Variants in HTR2C observed in about 807,000 individuals in gnomAD.
HTR2C encodes the protein 5-hydroxytryptamine (serotonin) receptor 2C, G protein-coupled.
A neutral mutation model predicts 21.0 loss-of-function variants in HTR2C; 5 were observed. That is an observed-to-expected ratio of 0.24 (90% CI 0.12 to 0.50). The LOEUF (loss-of-function observed/expected upper bound fraction) is 0.50. HTR2C is among the 20% of genes least tolerant of loss of function. The pLI is 0.98. For missense variants in HTR2C, 271 were observed against 371.2 expected, an observed-to-expected ratio of 0.73 and a Z score of 2.22; for synonymous variants, 150 against 145.3, an observed-to-expected ratio of 1.03 and a Z score of -0.23.
At chrX:114,630,867 CT>C (rs1312725800) in intron 2 of HTR2C, 1 of 370,980 alleles carries the variant, frequency 2.7e-6, no homozygotes, top group Non-Finnish European at 5.2e-6. Context: ...AAGCAAATCC[CT>C]CTCAAAGCTG....
chrX:114,744,106 G>A (rs2069677920), intron 4 of HTR2C, among the ~76,000 whole-genome samples: 1 of 110,590 alleles, frequency 9.0e-6, no homozygotes, highest in Non-Finnish European at 1.9e-5. Flanking sequence ...TATCTAGATA[G>A]TAGTGATAAT....
At chrX:114,612,514 A>G (rs1556398924) in intron 1 of HTR2C, among the ~76,000 whole-genome samples, 1 of 112,165 alleles carries the variant, frequency 8.9e-6, no homozygotes, top group African/African-American at 3.2e-5. Context: ...CAGAATAAAT[A>G]TTGGCAACTG....
At chrX:114,704,058 C>T (rs1479520734) in intron 2 of HTR2C, among the ~76,000 whole-genome samples, 3 of 111,282 alleles carry the variant, frequency 2.7e-5, no homozygotes, top group Non-Finnish European at 5.7e-5. Context: ...GAAATTGTGG[C>T]AATAATCAAT....
intron 1 of HTR2C, among the ~76,000 whole-genome samples, chrX:114,607,065 T>C (rs375473528): frequency 0.029 from 3,053 of 104,700 alleles, 76 homozygotes; most frequent in Non-Finnish European, 0.042. Flanking sequence ...AAGGTAATGT[T>C]ATCACTTAAG....
At chrX:114,765,945 T>A in intron 4 of HTR2C, among the ~76,000 whole-genome samples, 1 of 111,240 alleles carries the variant, frequency 9.0e-6, no homozygotes, top group South Asian at 3.8e-4. Context: ...ATGGGAGGGG[T>A]CATGATATAT....
chrX:114,827,998 C>T (rs782676416), intron 4 of HTR2C, among the ~76,000 whole-genome samples: 52 of 110,358 alleles, frequency 4.7e-4, no homozygotes, highest in Admixed American at 1.2e-3. Context: ...CCCCCAAATG[C>T]GGCATGTTTT....
At chrX:114,772,879 AT>A (rs1556437470) in intron 4 of HTR2C, among the ~76,000 whole-genome samples, 1 of 111,269 alleles carries the variant, frequency 9.0e-6, no homozygotes, top group Admixed American at 9.6e-5. Context: ...GCATTTTTAC[AT>A]TTTCCTTCAG....
chrX:114,797,044 A>G (rs1438264510), intron 4 of HTR2C, among the ~76,000 whole-genome samples: 1 of 111,994 alleles, frequency 8.9e-6, no homozygotes, highest in Non-Finnish European at 1.9e-5. Context: ...GGTTAGTTTC[A>G]TTGAAATTGG....
At chrX:114,645,032 G>A (rs1387046166) in intron 2 of HTR2C, among the ~76,000 whole-genome samples, 1 of 110,630 alleles carries the variant, frequency 9.0e-6, no homozygotes, top group East Asian at 2.9e-4. Context: ...TGGGCAACTG[G>A]AAGGAAAAGA....
chrX:114,687,294 A>G (rs1931949905), intron 2 of HTR2C, among the ~76,000 whole-genome samples: 2 of 112,266 alleles, frequency 1.8e-5, no homozygotes, highest in South Asian at 3.6e-4. Flanking sequence ...CACTTTCACA[A>G]TACATCCTGT....
chrX:114,897,637 C>G (rs1318213530), intron 5 of HTR2C, among the ~76,000 whole-genome samples: 2 of 111,863 alleles, frequency 1.8e-5, no homozygotes, highest in East Asian at 5.6e-4. Flanking sequence ...GCTGCCACTT[C>G]TAAGTGAGAA....
chrX:114,787,676 G>A (rs1556442396), intron 4 of HTR2C, among the ~76,000 whole-genome samples: 4 of 111,809 alleles, frequency 3.6e-5, no homozygotes, highest in South Asian at 7.3e-4. Context: ...GGCCAGGCGC[G>A]GTGGCTCACG....
At chrX:114,794,311 T>G (rs1243348615) in intron 4 of HTR2C, among the ~76,000 whole-genome samples, 1 of 111,115 alleles carries the variant, frequency 9.0e-6, no homozygotes, top group Non-Finnish European at 1.9e-5. Flanking sequence ...CAGAATACAA[T>G]CTGGTAATAT....
chrX:114,663,510 C>T (rs1286789201), intron 2 of HTR2C, among the ~76,000 whole-genome samples: 5 of 111,259 alleles, frequency 4.5e-5, no homozygotes, highest in African/African-American at 1.6e-4. Context: ...AATTAAAAAG[C>T]TTTCAAACAA....
chrX:114,612,668 C>T (rs1556398948), intron 1 of HTR2C, among the ~76,000 whole-genome samples: 2 of 111,993 alleles, frequency 1.8e-5, no homozygotes, highest in African/African-American at 6.5e-5. Flanking sequence ...TTCAACTTGA[C>T]ATTTGACTTA....
At chrX:114,758,407 C>A (rs964325763) in intron 4 of HTR2C, among the ~76,000 whole-genome samples, 23 of 108,436 alleles carry the variant, frequency 2.1e-4, no homozygotes, top group East Asian at 8.8e-4. Flanking sequence ...ACAAAAAAAA[C>A]CAAAAAAATA....
chrX:114,662,742 T>C (rs1450633232), intron 2 of HTR2C, among the ~76,000 whole-genome samples: 1 of 112,088 alleles, frequency 8.9e-6, no homozygotes, highest in East Asian at 2.8e-4. Flanking sequence ...TGGCTTCTTA[T>C]TCATTTTGAA....
At chrX:114,606,783 A>G (rs782011678) in intron 1 of HTR2C, among the ~76,000 whole-genome samples, 19 of 111,951 alleles carry the variant, frequency 1.7e-4, no homozygotes, top group East Asian at 1.4e-3. Flanking sequence ...TCCAAGTCAC[A>G]GCACCAAATT....
chrX:114,829,602 C>A (rs1235372636), intron 4 of HTR2C, among the ~76,000 whole-genome samples: 1 of 111,247 alleles, frequency 9.0e-6, no homozygotes, highest in African/African-American at 3.3e-5. Context: ...TGTTTTGTAC[C>A]TTTGGTTTTT....
Sources: allele counts gnomAD v4.1 joint callset (sites outside exome capture counted in the v4.1 genomes callset), GRCh38; gene constraint gnomAD v4.1.1; transcripts MANE v1.5; gene names NCBI Gene and HGNC (gene_info 2026-07-23, HGNC 2026-07-21).